The following CDH18 variants were observed in gnomAD, a reference collection of about 807,000 sequenced individuals.
CDH18 encodes cadherin-18.
CDH18 carries 31 observed loss-of-function variants against 67.9 expected under a neutral mutation model. The observed-to-expected ratio is 0.46, with a 90% CI of 0.34 to 0.62. The LOEUF (loss-of-function observed/expected upper bound fraction) is 0.62. Among genes scored for constraint, CDH18 ranks in the 20% least tolerant of loss-of-function variants. The pLI is 0.01. For synonymous variants in CDH18, 362 were observed against 347.2 expected (o/e 1.04, Z -0.48); for missense variants, 890 against 975.5 (o/e 0.91, Z 1.17).
intron 12 of CDH18, among the ~76,000 whole-genome samples, chr5:19,476,753 G>A (rs1738536029): frequency 6.6e-6 from 1 of 151,940 alleles, no homozygotes; most frequent in South Asian, 2.1e-4. Flanking sequence ...TTGGTTGGTG[G>A]TTGATGTCAA....
At chr5:20,486,865 G>A (rs1753224454) in intron 1 of CDH18, among the ~76,000 whole-genome samples, 1 of 152,066 alleles carries the variant, frequency 6.6e-6, no homozygotes. Context: ...TATTGCCTAA[G>A]TTCTATACTC....
At chr5:20,553,984 C>T (rs1757774408) in intron 1 of CDH18, among the ~76,000 whole-genome samples, 1 of 152,178 alleles carries the variant, frequency 6.6e-6, no homozygotes, top group Non-Finnish European at 1.5e-5. Context: ...ACATACCAGT[C>T]ACCATGTTGG....
intron 5 of CDH18, among the ~76,000 whole-genome samples, chr5:19,673,339 T>C (rs1386786822): frequency 6.6e-6 from 1 of 152,058 alleles, no homozygotes; most frequent in Non-Finnish European, 1.5e-5. Context: ...TTGTAAGCTA[T>C]TTATTTTAGC....
intron 1 of CDH18, among the ~76,000 whole-genome samples, chr5:20,455,126 C>A (rs1356567900): frequency 6.6e-6 from 1 of 151,574 alleles, no homozygotes; most frequent in Non-Finnish European, 1.5e-5. Flanking sequence ...CAAACAATGA[C>A]TGGCTCATGG....
At chr5:20,492,302 A>G (rs538933327) in intron 1 of CDH18, among the ~76,000 whole-genome samples, 18 of 152,066 alleles carry the variant, frequency 1.2e-4, no homozygotes, top group Non-Finnish European at 2.6e-4. Context: ...TTTCAGCATC[A>G]CCTGACTTTC....
intron 2 of CDH18, among the ~76,000 whole-genome samples, chr5:19,905,491 A>G: frequency 6.6e-6 from 1 of 152,018 alleles, no homozygotes; most frequent in East Asian, 1.9e-4. Context: ...TATCCAATTC[A>G]TTAAAATATA....
intron 2 of CDH18, among the ~76,000 whole-genome samples, chr5:19,950,482 T>C (rs959778530): frequency 6.6e-6 from 1 of 152,128 alleles, no homozygotes; most frequent in African/African-American, 2.4e-5. Context: ...AACTTACCTA[T>C]GTAACCAAAC....
intron 10 of CDH18, among the ~76,000 whole-genome samples, chr5:19,509,008 G>A (rs936220560): frequency 4.6e-5 from 7 of 151,784 alleles, no homozygotes; most frequent in Non-Finnish European, 8.8e-5. Context: ...GAGTAGTTGG[G>A]ATTACAGGTG....
chr5:19,879,931 G>GA (rs1787440469), intron 2 of CDH18, among the ~76,000 whole-genome samples: 1 of 151,826 alleles, frequency 6.6e-6, no homozygotes, highest in Non-Finnish European at 1.5e-5. Flanking sequence ...TGAATTGTTT[G>GA]CTTGAAATCC....
At chr5:19,960,587 G>A (rs7720927) in intron 2 of CDH18, among the ~76,000 whole-genome samples, 22 of 118,342 alleles carry the variant, frequency 1.9e-4, no homozygotes, top group African/African-American at 1.1e-3. Context: ...GTGTGTGTGT[G>A]TGTATATATA....
intron 2 of CDH18, among the ~76,000 whole-genome samples, chr5:20,015,352 T>G (rs966906212): frequency 2.0e-5 from 3 of 152,142 alleles, no homozygotes; most frequent in African/African-American, 7.2e-5. Flanking sequence ...ATGGTCCACC[T>G]ATCAGAAAAG....
At chr5:19,722,480 A>G (rs981362645) in intron 4 of CDH18, among the ~76,000 whole-genome samples, 2 of 150,768 alleles carry the variant, frequency 1.3e-5, no homozygotes, top group East Asian at 3.9e-4. Context: ...CTATATTTTG[A>G]GGTAATAAAA....
At chr5:20,342,312 C>T (rs1363424542) in intron 1 of CDH18, among the ~76,000 whole-genome samples, 2 of 152,072 alleles carry the variant, frequency 1.3e-5, no homozygotes, top group Admixed American at 6.6e-5. Context: ...GGAACAGCTT[C>T]CCCATCCCCA....
Position 20,173,405 on chromosome 5 carries a change from A to G in CDH18, c.-518+82039T>C, listed in dbSNP as rs530718843. Among the ~76,000 whole-genome samples the G allele has an allele frequency of 3.9e-5, 6 of 152,282 alleles. No homozygotes were observed. The South Asian group carries it at 1.2e-3, about 32-fold the overall frequency. ...AGAAAGAACGAGAAGACCTCCTGAG[A>G]AGAGCTTTCAGACAGAAGGTTCTGA... On this transcript the variant is annotated intron_variant, in intron 2 of 14. Transcript: ENST00000507958.
At chr5:19,525,447 T>A (rs574302584) in intron 9 of CDH18, among the ~76,000 whole-genome samples, 2 of 152,296 alleles carry the variant, frequency 1.3e-5, no homozygotes, top group South Asian at 4.1e-4. Flanking sequence ...CAGTGTCCTG[T>A]AGGAAACAGA....
chr5:20,407,988 A>G (rs533112829), intron 1 of CDH18, among the ~76,000 whole-genome samples: 12 of 152,188 alleles, frequency 7.9e-5, no homozygotes, highest in Admixed American at 3.9e-4. Flanking sequence ...ATAGTCAAAG[A>G]TAAGAAGATA....
chr5:20,067,042 T>TA (rs935799230), intron 2 of CDH18, among the ~76,000 whole-genome samples: 4 of 151,482 alleles, frequency 2.6e-5, no homozygotes, highest in Non-Finnish European at 4.4e-5. Flanking sequence ...ATAATACAAA[T>TA]AAAAAAATCA....
At chr5:19,523,797 C>G (rs16885861) in intron 9 of CDH18, among the ~76,000 whole-genome samples, 14,843 of 151,984 alleles carry the variant, frequency 0.098, 1,062 homozygotes, top group African/African-American at 0.18. Flanking sequence ...TAGGAAAACT[C>G]TTGAATATAC....
At chr5:20,097,191 A>C (rs9292864) in intron 2 of CDH18, among the ~76,000 whole-genome samples, 18,895 of 152,040 alleles carry the variant, frequency 0.12, 1,376 homozygotes, top group African/African-American at 0.19. Flanking sequence ...CTAGACCACT[A>C]GCTCATCCCC....
Sources: allele counts gnomAD v4.1 joint callset (sites outside exome capture counted in the v4.1 genomes callset), GRCh38; gene constraint gnomAD v4.1.1; transcripts MANE v1.5; gene names NCBI Gene and HGNC (gene_info 2026-07-23, HGNC 2026-07-21).